Variants in B3GLCT observed in about 807,000 individuals in gnomAD.
B3GLCT encodes beta-1,3-glucosyltransferase.
Under a neutral mutation model 63.4 loss-of-function variants are expected in B3GLCT, and 65 were observed. The observed-to-expected ratio is 1.03, with a 90% CI of 0.84 to 1.26. The LOEUF (loss-of-function observed/expected upper bound fraction) is 1.26. Ranked by LOEUF, B3GLCT falls within the 50% of genes most tolerant of loss-of-function variation. The probability of loss-of-function intolerance (pLI) is 0.00; values close to 1 mark genes in which losing one functional copy is unlikely to be tolerated. For synonymous variants in B3GLCT, 233 were observed against 219.2 expected (o/e 1.06, Z -0.55); for missense variants, 577 against 604.8 (o/e 0.95, Z 0.48).
At chr13:31,237,183 G>A (rs1593264308) in intron 4 of B3GLCT, among the ~76,000 whole-genome samples, 1 of 151,828 alleles carries the variant, frequency 6.6e-6, no homozygotes, top group East Asian at 1.9e-4. Flanking sequence ...CGTAGGGTCT[G>A]TAGACAATAC....
At chr13:31,214,563 C>G (rs534533999) in intron 1 of B3GLCT, among the ~76,000 whole-genome samples, 1 of 152,306 alleles carries the variant, frequency 6.6e-6, no homozygotes, top group African/African-American at 2.4e-5. Flanking sequence ...GTAGCAGTAT[C>G]TGCATCACAC....
chr13:31,201,653 C>T (rs1394777630), intron 1 of B3GLCT, among the ~76,000 whole-genome samples: 3 of 152,276 alleles, frequency 2.0e-5, no homozygotes, highest in African/African-American at 7.2e-5. Flanking sequence ...ATTTATAGCA[C>T]TGCACTTTAT....
At chr13:31,313,209 T>G (rs1358399922) in intron 12 of B3GLCT, among the ~76,000 whole-genome samples, 1 of 152,182 alleles carries the variant, frequency 6.6e-6, no homozygotes, top group Admixed American at 6.5e-5. Flanking sequence ...TACCCATCCC[T>G]CCCACCAAAA....
chr13:31,319,375 A>T (rs1192344673), intron 13 of B3GLCT, among the ~76,000 whole-genome samples: 2 of 93,492 alleles, frequency 2.1e-5, no homozygotes, highest in Admixed American at 1.2e-4. Context: ...CTCCATGCTC[A>T]GCCTTCTAAG....
At chr13:31,243,107 C>T (rs1871032783) in intron 4 of B3GLCT, among the ~76,000 whole-genome samples, 1 of 152,192 alleles carries the variant, frequency 6.6e-6, no homozygotes, top group South Asian at 2.1e-4. Context: ...TCTAAAAGCT[C>T]AGTTCAGTGC....
At position 31,269,285 on chromosome 13, in the gene B3GLCT, A is replaced by T; in HGVS notation, c.660+8A>T. ...ATAGATTTAAAACATGAGGTATGTC[A>T]TGTTTTGTTTGATTAAAAATCTTAC... is the stretch of plus-strand genomic sequence containing the variant. On this transcript the variant is annotated splice_region_variant and intron_variant, in intron 8 of 14. Coordinates refer to ENST00000343307, the MANE Select transcript of B3GLCT (RefSeq NM_194318.4). The T allele has an allele frequency of 1.3e-6, 2 of 1,586,522 alleles. No homozygotes were observed. The highest frequency in any genetic ancestry group is 1.7e-6 in the Non-Finnish European group (2 of 1,155,808).
intron 7 of B3GLCT, among the ~76,000 whole-genome samples, chr13:31,266,492 T>C (rs997547351): frequency 6.6e-6 from 1 of 152,222 alleles, no homozygotes; most frequent in Non-Finnish European, 1.5e-5. Flanking sequence ...CCTGTTATCT[T>C]GCTTGGTGTA....
intron 14 of B3GLCT, among the ~76,000 whole-genome samples, chr13:31,328,300 T>C (rs1156520494): frequency 6.6e-6 from 1 of 152,232 alleles, no homozygotes; most frequent in Non-Finnish European, 1.5e-5. Flanking sequence ...GTTTTTAAAA[T>C]GCATCACATC....
chr13:31,208,625 C>G (rs1437771284), intron 1 of B3GLCT, among the ~76,000 whole-genome samples: 3 of 119,264 alleles, frequency 2.5e-5, no homozygotes, highest in African/African-American at 3.8e-5. Context: ...AGTGGCCCCC[C>G]CCCCCCGCTC....
intron 10 of B3GLCT, chr13:31,283,046 G>T (rs925903524): frequency 2.0e-5 from 3 of 152,162 alleles, no homozygotes; most frequent in Admixed American, 6.5e-5. Context: ...CCTTGATTTT[G>T]ATTTTAATTT....
intron 4 of B3GLCT, among the ~76,000 whole-genome samples, chr13:31,230,348 G>T (rs151051451): frequency 6.6e-6 from 1 of 152,140 alleles, no homozygotes; most frequent in Non-Finnish European, 1.5e-5. Flanking sequence ...CGAAGTGCTT[G>T]CCTGTAGATA....
chr13:31,207,478 G>A (rs189139826), intron 1 of B3GLCT, among the ~76,000 whole-genome samples: 52 of 151,930 alleles, frequency 3.4e-4, no homozygotes, highest in Admixed American at 2.0e-3. Context: ...CCTGAGTGAC[G>A]GTTTTTAAAC....
At chr13:31,318,025 G>C (rs1875144115) in intron 13 of B3GLCT, among the ~76,000 whole-genome samples, 1 of 151,780 alleles carries the variant, frequency 6.6e-6, no homozygotes, top group Non-Finnish European at 1.5e-5. Flanking sequence ...TAAGCCATTA[G>C]ACTATTAAAT....
At chr13:31,289,949 G>A (rs952234415) in intron 12 of B3GLCT, among the ~76,000 whole-genome samples, 7 of 151,738 alleles carry the variant, frequency 4.6e-5, no homozygotes, top group African/African-American at 1.7e-4. Flanking sequence ...CACGTGCCAT[G>A]GTGGTTTGCT....
chr13:31,205,520 C>G (rs560157187), intron 1 of B3GLCT, among the ~76,000 whole-genome samples: 7 of 152,122 alleles, frequency 4.6e-5, no homozygotes, highest in Non-Finnish European at 8.8e-5. Flanking sequence ...GATTGCACCA[C>G]TGCACTTCAG....
Position 31,200,159 on chromosome 13 carries a change from G to A in B3GLCT, c.70+5G>A, listed in dbSNP as rs1336172237. The A allele has an allele frequency of 1.2e-5, 16 of 1,318,444 alleles. No individual in the cohort carries two copies. In the African/African-American group the frequency reaches 1.7e-4, roughly 14 times the overall value. 81.7% of individuals were successfully genotyped at this position (1,318,444 alleles called of 1,614,324 possible). On this transcript the variant is annotated splice_donor_5th_base_variant and intron_variant, in intron 1 of 14. Transcript: ENST00000343307. ...CGCTCCTCACCTGCTCCCTGGGTAAGTAGCGGGCGGCCAGGCGCGCAAGGG... is the reference window on the plus strand; with the variant it reads ...CGCTCCTCACCTGCTCCCTGGGTAAATAGCGGGCGGCCAGGCGCGCAAGGG...
intron 5 of B3GLCT, among the ~76,000 whole-genome samples, chr13:31,247,644 G>A (rs113359241): frequency 2.2e-3 from 333 of 152,306 alleles, no homozygotes; most frequent in African/African-American, 7.7e-3. Context: ...CCCTGAACTA[G>A]TGTTGTTATG....
intron 12 of B3GLCT, among the ~76,000 whole-genome samples, chr13:31,300,209 G>T (rs931345834): frequency 6.6e-6 from 1 of 152,098 alleles, no homozygotes; most frequent in Admixed American, 6.6e-5. Context: ...TAGGGGAAAA[G>T]AGTCCCTCTG....
At chr13:31,204,518 G>A (rs1376349794) in intron 1 of B3GLCT, among the ~76,000 whole-genome samples, 4 of 152,126 alleles carry the variant, frequency 2.6e-5, no homozygotes, top group African/African-American at 9.7e-5. Flanking sequence ...GGTGGTGAAG[G>A]AGCCAAGTGG....
Sources: gnomAD v4.1 joint callset for allele counts (sites outside exome capture counted in the v4.1 genomes callset) on GRCh38, gnomAD v4.1.1 for gene constraint, MANE v1.5 for transcripts, NCBI Gene and HGNC (gene_info 2026-07-23, HGNC 2026-07-21) for gene names.